Variants in IRF2 observed in about 807,000 individuals in gnomAD.
The protein encoded by IRF2 is interferon regulatory factor 2.
In IRF2, 15 loss-of-function variants were observed where a neutral mutation model predicts 40.6. That is an observed-to-expected ratio of 0.37 (90% CI 0.25 to 0.57). The LOEUF (loss-of-function observed/expected upper bound fraction) is 0.57, where lower values mean the gene tolerates loss of function less well. Ranked by LOEUF, IRF2 falls within the 20% of genes least tolerant of loss-of-function variation. The pLI, the probability that IRF2 is intolerant of heterozygous loss-of-function variation, is 0.77. For missense variants in IRF2, 317 were observed against 455.7 expected, an observed-to-expected ratio of 0.70 and a Z score of 2.77; for synonymous variants, 151 against 165.5, an observed-to-expected ratio of 0.91 and a Z score of 0.67.
At chr4:184,392,590 T>A (rs1736297645) in intron 7 of IRF2, among the ~76,000 whole-genome samples, 1 of 152,212 alleles carries the variant, frequency 6.6e-6, no homozygotes, top group Non-Finnish European at 1.5e-5. Context: ...CTGTCTCACA[T>A]CTTCCTGGTG....
intron 1 of IRF2, chr4:184,472,449 T>C (rs1002333175): frequency 6.6e-6 from 1 of 151,744 alleles, no homozygotes; most frequent in East Asian, 1.9e-4. Flanking sequence ...AACTAGTAAA[T>C]GACTGCAGGC....
At chr4:184,446,356 C>T (rs1669287738) in intron 1 of IRF2, among the ~76,000 whole-genome samples, 2 of 152,158 alleles carry the variant, frequency 1.3e-5, no homozygotes, top group Admixed American at 6.5e-5. Context: ...GCAGCAGCCA[C>T]CTGGCACACA....
intron 1 of IRF2, among the ~76,000 whole-genome samples, chr4:184,447,878 A>T (rs1738570932): frequency 6.6e-6 from 1 of 152,358 alleles, no homozygotes; most frequent in Middle Eastern, 3.4e-3. Flanking sequence ...CCTGCATCAG[A>T]TTCTCCTGCT....
chr4:184,418,801 A>G (rs1018736607), intron 3 of IRF2, 93 bp from the exon 4 acceptor site: 50 of 1,097,340 alleles, frequency 4.6e-5, no homozygotes, highest in Non-Finnish European at 5.1e-5. Flanking sequence ...GTCAGGCAGT[A>G]TAAGGAAACC....
Position 184,433,670 on chromosome 4 carries a change from T to C in IRF2, c.-6-4600A>G, listed in dbSNP as rs183820145. ...TTGTTTGCTTGGGTTGGTTGGTTGG[T>C]TGGTTTGTTTGTAGCTAGGACATCT... is the stretch of plus-strand genomic sequence containing the variant. On this transcript the variant is annotated intron_variant, in intron 1 of 8. Coordinates refer to ENST00000393593, the MANE Select transcript of IRF2 (RefSeq NM_002199.4). Among the ~76,000 whole-genome samples, 257 of 152,242 alleles carry C rather than the reference T, an allele frequency of 1.7e-3. 2 individuals are homozygous for C. Among genetic ancestry groups the C allele is most frequent in the African/African-American group, 6.0e-3 (249 of 41,532 alleles).
At chr4:184,429,099 G>C in intron 1 of IRF2, 29 bp from the exon 2 acceptor site, 1 of 1,565,718 alleles carries the variant, frequency 6.4e-7, no homozygotes, top group South Asian at 1.1e-5. Flanking sequence ...AGCGTCAGGC[G>C]TTGGTGCCAC....
intron 1 of IRF2, among the ~76,000 whole-genome samples, chr4:184,445,177 G>C (rs1487317792): frequency 6.6e-6 from 1 of 152,204 alleles, no homozygotes; most frequent in Non-Finnish European, 1.5e-5. Context: ...GTTTGACCTG[G>C]AACTGGGCCT....
intron 5 of IRF2, among the ~76,000 whole-genome samples, chr4:184,414,702 G>A (rs759084933): frequency 3.3e-5 from 5 of 152,218 alleles, no homozygotes; most frequent in Non-Finnish European, 7.3e-5. Flanking sequence ...CTATTTGTTG[G>A]GGGACATATA....
chr4:184,398,897 C>A lies in IRF2; in HGVS notation c.694+18G>T. On this transcript the variant is annotated intron_variant, in intron 7 of 8. Coordinates refer to ENST00000393593, the MANE Select transcript of IRF2 (RefSeq NM_002199.4). ...CGGCCGGTTCCCACGCCTCCCGGAG[C>A]CTCCCGCTGACGCTTACCTGCATAG... 1 of 1,570,966 alleles carries A rather than the reference C, an allele frequency of 6.4e-7. No individual in the cohort carries two copies. The highest frequency in any genetic ancestry group is 8.6e-7 in the Non-Finnish European group (1 of 1,161,266).
At chr4:184,407,747 C>G (rs1488465670) in intron 6 of IRF2, among the ~76,000 whole-genome samples, 1 of 152,190 alleles carries the variant, frequency 6.6e-6, no homozygotes, top group Non-Finnish European at 1.5e-5. Context: ...CCTTTGGCAA[C>G]ATGTCTCTGT....
chr4:184,396,401 G>A (rs1422846888), intron 7 of IRF2, among the ~76,000 whole-genome samples: 2 of 151,032 alleles, frequency 1.3e-5, no homozygotes, highest in Admixed American at 6.6e-5. Context: ...CTCTACCCAC[G>A]CCAGCCGCAG....
At chr4:184,465,718 G>T (rs758553293) in intron 1 of IRF2, among the ~76,000 whole-genome samples, 4 of 152,138 alleles carry the variant, frequency 2.6e-5, no homozygotes, top group African/African-American at 9.7e-5. Context: ...TGGATGTGCC[G>T]TAATTCGTTC....
At chr4:184,438,390 A>C (rs2149907977) in intron 1 of IRF2, among the ~76,000 whole-genome samples, 1 of 152,364 alleles carries the variant, frequency 6.6e-6, no homozygotes, top group African/African-American at 2.4e-5. Context: ...ATTTTAATTT[A>C]CAATATGATA....
In IRF2 at chr4:184,413,454, AT is replaced by A; in HGVS notation, c.411+4712del. ...AAGTGAGTTGCTGGTGTGTGCTTTC[AT>A]TTGATTAAAGTTTAAAAACTGAAGA... On this transcript the variant is annotated intron_variant, in intron 5 of 8. Transcript: ENST00000393593. The surrounding 1 kb of genome is among the most constrained non-coding windows in gnomAD (Gnocchi z 4.2). Among the ~76,000 whole-genome samples the A allele has an allele frequency of 6.6e-6, 1 of 152,270 alleles. No individual in the cohort carries two copies. Among genetic ancestry groups the A allele is most frequent in the East Asian group, 1.9e-4 (1 of 5,188 alleles).
At chr4:184,439,928 C>T (rs186258079) in intron 1 of IRF2, among the ~76,000 whole-genome samples, 2 of 152,326 alleles carry the variant, frequency 1.3e-5, no homozygotes, top group East Asian at 3.9e-4. Context: ...GTTCTCAATG[C>T]AGCCTAACAA....
intron 1 of IRF2, among the ~76,000 whole-genome samples, chr4:184,435,411 T>C (rs933977337): frequency 2.6e-5 from 4 of 152,368 alleles, no homozygotes; most frequent in Non-Finnish European, 4.4e-5. Flanking sequence ...TTTAAGGTAA[T>C]AAATTCCTTA....
chr4:184,396,646 G>A (rs1285540280), intron 7 of IRF2, among the ~76,000 whole-genome samples: 1 of 151,838 alleles, frequency 6.6e-6, no homozygotes, highest in Non-Finnish European at 1.5e-5. Flanking sequence ...ATGTTGCCCA[G>A]GCTGGTCTCC....
At chr4:184,390,517 G>A (rs533749008) in intron 8 of IRF2, among the ~76,000 whole-genome samples, 186 bp downstream of exon 8, 32 of 152,086 alleles carry the variant, frequency 2.1e-4, no homozygotes, top group Non-Finnish European at 3.1e-4. Flanking sequence ...TTCCAACGCC[G>A]AATTTTATAA....
At chr4:184,407,182 G>A (rs762320599) in intron 6 of IRF2, 90 of 1,289,026 alleles carry the variant, frequency 7.0e-5, no homozygotes, top group Non-Finnish European at 8.8e-5. Flanking sequence ...TGCTAACCTC[G>A]GCAAGAGGCC....
Sources: gnomAD v4.1 joint callset for allele counts (sites outside exome capture counted in the v4.1 genomes callset) on GRCh38, gnomAD v4.1.1 for gene constraint, Gnocchi (gnomAD v3.1) non-coding constraint, MANE v1.5 for transcripts, NCBI Gene and HGNC (gene_info 2026-07-23, HGNC 2026-07-21) for gene names.